Variants in CCDC148 observed in about 807,000 individuals in gnomAD.
CCDC148 encodes coiled-coil domain containing 148.
Under a neutral mutation model 85.7 loss-of-function variants are expected in CCDC148, and 89 were observed. That is an observed-to-expected ratio of 1.04 (90% CI 0.87 to 1.24). CCDC148 has a LOEUF of 1.24. CCDC148 is among the 50% of genes most tolerant of loss of function. The pLI, the probability that CCDC148 is intolerant of heterozygous loss-of-function variation, is 0.00. For missense variants in CCDC148, 692 were observed against 671.7 expected, an observed-to-expected ratio of 1.03 and a Z score of -0.33; for synonymous variants, 230 against 213.9, an observed-to-expected ratio of 1.08 and a Z score of -0.66.
intron 1 of CCDC148, among the ~76,000 whole-genome samples, chr2:158,361,041 T>C (rs1253829011): frequency 6.6e-6 from 1 of 150,996 alleles, no homozygotes; most frequent in Non-Finnish European, 1.5e-5. Flanking sequence ...CAACTATCAA[T>C]AGCTAAATCG....
chr2:158,392,704 C>T (rs1211351849), intron 1 of CCDC148, among the ~76,000 whole-genome samples: 1 of 152,100 alleles, frequency 6.6e-6, no homozygotes, highest in Non-Finnish European at 1.5e-5. Context: ...TTCATCTACT[C>T]TCTCAGGGCA....
chr2:158,300,903 G>T (rs907265511), intron 9 of CCDC148, among the ~76,000 whole-genome samples: 1 of 152,186 alleles, frequency 6.6e-6, no homozygotes, highest in African/African-American at 2.4e-5. Flanking sequence ...AGACTGAACT[G>T]AAGTGCAGTG....
chr2:158,317,516 A>G (rs1014631607), intron 7 of CCDC148, among the ~76,000 whole-genome samples: 1 of 152,224 alleles, frequency 6.6e-6, no homozygotes, highest in African/African-American at 2.4e-5. Flanking sequence ...AAACAACAAC[A>G]GAGCTGTAAA....
chr2:158,273,292 C>A (rs1244527105), intron 9 of CCDC148, among the ~76,000 whole-genome samples: 1 of 152,072 alleles, frequency 6.6e-6, no homozygotes, highest in African/African-American at 2.4e-5. Context: ...CAGTGAAGGA[C>A]CTGATTAGTA....
At chr2:158,280,101 T>A (rs1690195819) in intron 9 of CCDC148, among the ~76,000 whole-genome samples, 3 of 152,046 alleles carry the variant, frequency 2.0e-5, no homozygotes, top group South Asian at 2.1e-4. Context: ...CCACCAGGCC[T>A]GCCCTAAAAG....
chr2:158,210,787 C>CAAAAAAAAAAAAA (rs34273946), intron 11 of CCDC148, among the ~76,000 whole-genome samples: 3 of 89,446 alleles, frequency 3.4e-5, no homozygotes, highest in African/African-American at 4.9e-5. Context: ...ACTAAAAATA[C>CAAAAAAAAAAAAA]AAAAAAAAAA....
chr2:158,355,462 G>T (rs545085226), intron 2 of CCDC148, among the ~76,000 whole-genome samples: 160 of 152,072 alleles, frequency 1.1e-3, no homozygotes, highest in Non-Finnish European at 1.9e-3. Flanking sequence ...CAAATCATGA[G>T]TGAACTCCCA....
intron 1 of CCDC148, among the ~76,000 whole-genome samples, chr2:158,445,865 A>C (rs971143859): frequency 6.6e-6 from 1 of 152,180 alleles, no homozygotes; most frequent in African/African-American, 2.4e-5. Flanking sequence ...TGTTAGTGAA[A>C]ATTATGTGAT....
chr2:158,351,443 G>C (rs1465326844), intron 2 of CCDC148, among the ~76,000 whole-genome samples: 1 of 135,256 alleles, frequency 7.4e-6, no homozygotes, highest in South Asian at 2.6e-4. Flanking sequence ...GGGTCAGGGA[G>C]TTCCCTTTCC....
chr2:158,343,424 T>G (rs563633152), intron 3 of CCDC148, among the ~76,000 whole-genome samples: 1 of 152,296 alleles, frequency 6.6e-6, no homozygotes, highest in African/African-American at 2.4e-5. Flanking sequence ...TAACGACTAC[T>G]TTGTAGGGTC....
At chr2:158,350,208 T>A (rs2105254894) in intron 2 of CCDC148, among the ~76,000 whole-genome samples, 1 of 152,288 alleles carries the variant, frequency 6.6e-6, no homozygotes, top group South Asian at 2.1e-4. Context: ...GATATTAAAT[T>A]GTAAAAACCA....
chr2:158,374,494 AAAC>A (rs1170676768), intron 1 of CCDC148, among the ~76,000 whole-genome samples: 3 of 151,944 alleles, frequency 2.0e-5, no homozygotes, highest in Admixed American at 1.3e-4. Context: ...AACAGACTTC[AAAC>A]AATACTACCC....
intron 9 of CCDC148, among the ~76,000 whole-genome samples, chr2:158,260,470 C>T (rs781778437): frequency 3.9e-5 from 6 of 152,012 alleles, no homozygotes; most frequent in Admixed American, 1.3e-4. Context: ...GATGCCTTCT[C>T]TCACCACTAC....
chr2:158,207,039 A>G (rs1686285364), intron 11 of CCDC148, among the ~76,000 whole-genome samples: 1 of 152,230 alleles, frequency 6.6e-6, no homozygotes, highest in Non-Finnish European at 1.5e-5. Flanking sequence ...CAGTTCCAAT[A>G]CTTTATCGAC....
At chr2:158,217,574 T>C (rs1305620878) in intron 11 of CCDC148, among the ~76,000 whole-genome samples, 1 of 152,004 alleles carries the variant, frequency 6.6e-6, no homozygotes, top group East Asian at 1.9e-4. Flanking sequence ...GGCTAATTTT[T>C]TGTACTTTTT....
chr2:158,405,028 G>A (rs1422183856), intron 1 of CCDC148, among the ~76,000 whole-genome samples: 2 of 152,048 alleles, frequency 1.3e-5, no homozygotes, highest in Non-Finnish European at 2.9e-5. Context: ...AAGGCGTTGT[G>A]GGCAGAATTT....
chr2:158,180,112 A>G (rs1014905619), intron 11 of CCDC148, among the ~76,000 whole-genome samples: 1 of 152,090 alleles, frequency 6.6e-6, no homozygotes, highest in Non-Finnish European at 1.5e-5. Flanking sequence ...TCTGCCTTTC[A>G]TCATTGAAAG....
chr2:158,208,857 C>T (rs1455205003), intron 11 of CCDC148, among the ~76,000 whole-genome samples: 1 of 151,940 alleles, frequency 6.6e-6, no homozygotes, highest in Non-Finnish European at 1.5e-5. Context: ...AAGCTAAAAC[C>T]TTAGTTAATG....
At chr2:158,336,454 T>C (rs1339668248) in intron 7 of CCDC148, among the ~76,000 whole-genome samples, 1 of 152,192 alleles carries the variant, frequency 6.6e-6, no homozygotes, top group Admixed American at 6.5e-5. Context: ...TACATGTATA[T>C]ACATTTCTTC....
Sources: allele counts gnomAD v4.1 joint callset (sites outside exome capture counted in the v4.1 genomes callset), GRCh38; gene constraint gnomAD v4.1.1; transcripts MANE v1.5; gene names NCBI Gene and HGNC (gene_info 2026-07-23, HGNC 2026-07-21).